TCF4: variants seen among roughly 807,000 people sequenced by gnomAD.
TCF4 encodes transcription factor 4, also known as SL3-3 enhancer factor 2.
A neutral mutation model predicts 82.1 loss-of-function variants in TCF4; 3 were observed. That is an observed-to-expected ratio of 0.04 (90% CI 0.02 to 0.09). The LOEUF is 0.09. Ranked by LOEUF, TCF4 falls within the 10% of genes least tolerant of loss-of-function variation. The pLI is 1.00. For missense variants in TCF4, 518 were observed against 852.7 expected (o/e 0.61, Z 4.89); for synonymous variants, 276 against 309.6 (o/e 0.89, Z 1.14).
intron 2 of TCF4, among the ~76,000 whole-genome samples, chr18:55,599,386 C>T (rs567110318): frequency 6.6e-6 from 1 of 152,284 alleles, no homozygotes; most frequent in Non-Finnish European, 1.5e-5. Context: ...GTGCTCTGAA[C>T]TCATTTACTT....
chr18:55,477,067 C>T (rs940946135), intron 3 of TCF4, among the ~76,000 whole-genome samples: 5 of 152,142 alleles, frequency 3.3e-5, no homozygotes, highest in African/African-American at 9.7e-5. Context: ...AATGATACCT[C>T]CTTATTTTCT....
At chr18:55,556,354 TG>T (rs1448678221) in intron 3 of TCF4, among the ~76,000 whole-genome samples, 1 of 152,198 alleles carries the variant, frequency 6.6e-6, no homozygotes, top group Non-Finnish European at 1.5e-5. Context: ...AAAATGCCAC[TG>T]TAAAAAGAAT....
At chr18:55,275,175 C>T (rs1357316543) in intron 10 of TCF4, among the ~76,000 whole-genome samples, 1 of 148,054 alleles carries the variant, frequency 6.8e-6, no homozygotes, top group Non-Finnish European at 1.5e-5. Flanking sequence ...CCAAAGCTGA[C>T]ATAGGCCAGT....
rs2055035271 is a variant in TCF4 at position 55,251,350 on chromosome 18, ATACT to A, written c.1350+3143_1350+3146del. ...AAAAAAAATCCCTTTCATTATACTAATACTTAGTAAATCACTGAAGACCTACTTC... is the reference window on the plus strand; with the variant it reads ...AAAAAAAATCCCTTTCATTATACTAATAGTAAATCACTGAAGACCTACTTC... On this transcript the variant is annotated intron_variant, in intron 15 of 19. Transcript: ENST00000354452. Among the ~76,000 whole-genome samples the A allele has an allele frequency of 7.2e-5, 11 of 152,286 alleles. No individual in the cohort carries two copies. The South Asian group carries it at 2.1e-3, about 29-fold the overall frequency.
intron 8 of TCF4, among the ~76,000 whole-genome samples, chr18:55,302,240 T>C (rs956816337): frequency 6.6e-6 from 1 of 152,168 alleles, no homozygotes; most frequent in African/African-American, 2.4e-5. Flanking sequence ...CAGATGAAGG[T>C]GGTAAAGTAA....
chr18:55,231,488 ATGT>A (rs1231557622), intron 17 of TCF4: 5 of 152,248 alleles, frequency 3.3e-5, no homozygotes, highest in Non-Finnish European at 5.9e-5. Context: ...GCGAATGAAA[ATGT>A]TGTTCCAAAA....
At chr18:55,452,570 G>T (rs1049349058) in intron 5 of TCF4, 2 of 152,554 alleles carry the variant, frequency 1.3e-5, no homozygotes, top group African/African-American at 4.8e-5. Context: ...CTTTGGCTCT[G>T]CCAAAGACCA....
At chr18:55,249,741 G>A (rs753463859) in intron 15 of TCF4, among the ~76,000 whole-genome samples, 32 of 152,180 alleles carry the variant, frequency 2.1e-4, no homozygotes, top group Non-Finnish European at 4.0e-4. Context: ...ACACTAATGC[G>A]ATATATGAAT....
chr18:55,559,763 CT>C (rs1214666769), intron 3 of TCF4, among the ~76,000 whole-genome samples: 6 of 151,928 alleles, frequency 3.9e-5, no homozygotes, highest in Admixed American at 2.0e-4. Context: ...TTAAATAAAT[CT>C]TTTTTTCCAT....
chr18:55,461,145 A>T (rs1177204887), intron 4 of TCF4, 30 bp from the exon 5 acceptor site: 1 of 1,557,204 alleles, frequency 6.4e-7, no homozygotes. Context: ...GTAAGTTATT[A>T]TTTTATATTA....
chr18:55,588,440 A>C (rs1603624951), upstream of TCF4: 1 of 1,533,644 alleles, frequency 6.5e-7, no homozygotes, highest in Non-Finnish European at 8.7e-7. Flanking sequence ...CCGCCTCGCC[A>C]AAAAATACAA....
intron 15 of TCF4, among the ~76,000 whole-genome samples, chr18:55,244,249 G>A (rs928454155): frequency 1.3e-5 from 2 of 151,984 alleles, no homozygotes; most frequent in Non-Finnish European, 2.9e-5. Flanking sequence ...TTGCCAAGTC[G>A]GGTCTCTTTT....
intron 5 of TCF4, among the ~76,000 whole-genome samples, chr18:55,435,673 C>T (rs2095314208): frequency 6.6e-6 from 1 of 152,216 alleles, no homozygotes. Context: ...ACAGTCCTCT[C>T]TCTACTTGTA....
At chr18:55,238,230 T>C (rs977473094) in intron 15 of TCF4, among the ~76,000 whole-genome samples, 1 of 152,226 alleles carries the variant, frequency 6.6e-6, no homozygotes, top group Non-Finnish European at 1.5e-5. Flanking sequence ...AGTCTAAAGT[T>C]AAAAGCCAGC....
intron 8 of TCF4, among the ~76,000 whole-genome samples, chr18:55,298,131 G>A (rs2067075131): frequency 6.6e-6 from 1 of 152,128 alleles, no homozygotes; most frequent in Non-Finnish European, 1.5e-5. Context: ...CATCCAGTCG[G>A]TATCTAACAC....
chr18:55,352,034 C>A (rs766054008), intron 6 of TCF4: 8 of 475,666 alleles, frequency 1.7e-5, no homozygotes, highest in Non-Finnish European at 2.2e-5. Flanking sequence ...TTTCCCTAAT[C>A]TAAATTCTAA....
intron 3 of TCF4, among the ~76,000 whole-genome samples, chr18:55,519,200 A>G (rs1036511537): frequency 1.3e-5 from 2 of 152,136 alleles, no homozygotes; most frequent in Non-Finnish European, 2.9e-5. Flanking sequence ...GGGAGGCCCA[A>G]GGCATGCAGA....
chr18:55,532,639 G>C (rs749271684), intron 3 of TCF4, among the ~76,000 whole-genome samples: 25 of 152,156 alleles, frequency 1.6e-4, no homozygotes, highest in Non-Finnish European at 2.8e-4. Context: ...AACTTCAAGA[G>C]GCAGTTCTAG....
chr18:55,432,231 A>T (rs1475911391), intron 5 of TCF4, among the ~76,000 whole-genome samples: 2 of 152,202 alleles, frequency 1.3e-5, no homozygotes, highest in Non-Finnish European at 2.9e-5. Flanking sequence ...TGAACCCAGG[A>T]GGCGGAGGCT....
Sources: allele counts gnomAD v4.1 joint callset (sites outside exome capture counted in the v4.1 genomes callset), GRCh38; gene constraint gnomAD v4.1.1; transcripts MANE v1.5; gene names NCBI Gene and HGNC (gene_info 2026-07-23, HGNC 2026-07-21).